The following KCNQ1 variants were observed in gnomAD, a reference collection of about 807,000 sequenced individuals.
KCNQ1 encodes potassium voltage-gated channel subfamily KQT member 1.
In KCNQ1, 49 loss-of-function variants were observed where a neutral mutation model predicts 72.4. The observed-to-expected ratio is 0.68, with a 90% CI of 0.54 to 0.86. The LOEUF is 0.86. Among genes scored for constraint, KCNQ1 ranks in the 40% least tolerant of loss-of-function variants. The pLI is 0.00. For synonymous variants in KCNQ1, 450 were observed against 412.6 expected (o/e 1.09, Z -1.10); for missense variants, 790 against 945.1 (o/e 0.84, Z 2.15).
At chr11:2,648,665 T>G (rs1400330917) in intron 10 of KCNQ1, 1 of 398,550 alleles carries the variant, frequency 2.5e-6, no homozygotes, top group Non-Finnish European at 4.4e-6. Context: ...TTTTAAAAAT[T>G]TATTGAGACC....
chr11:2,842,593 G>T (rs183481881), intron 15 of KCNQ1, among the ~76,000 whole-genome samples: 34 of 152,274 alleles, frequency 2.2e-4, no homozygotes, highest in East Asian at 9.6e-4. Flanking sequence ...TGTGTACAAG[G>T]GTGCAGGGTG....
At chr11:2,503,862 A>C (rs1227147173) in intron 1 of KCNQ1, among the ~76,000 whole-genome samples, 5 of 152,204 alleles carry the variant, frequency 3.3e-5, no homozygotes, top group Non-Finnish European at 5.9e-5. Context: ...GAGAAAAGGG[A>C]ATCCTTGTAC....
At chr11:2,643,665 G>T (rs771801911) in intron 10 of KCNQ1, 3 of 398,366 alleles carry the variant, frequency 7.5e-6, no homozygotes, top group Non-Finnish European at 1.3e-5. Context: ...TTGTTGATAT[G>T]TGAGGGCTTA....
rs987437979 is a variant in KCNQ1 at position 2,647,855 on chromosome 11, G to C, written c.1394-14106G>C. 2.5e-6 allele frequency: 1 copy of C among 398,290 alleles called. No individual in the cohort carries two copies. The highest frequency in any genetic ancestry group is 4.4e-6 in the Non-Finnish European group (1 of 225,966). 24.7% of individuals were successfully genotyped at this position (398,290 alleles called of 1,614,324 possible). On this transcript the variant is annotated intron_variant, in intron 10 of 15. Transcript: ENST00000155840. The surrounding 1 kb of genome is among the most constrained non-coding windows in gnomAD (Gnocchi z 4.0). The stretch of plus-strand genomic sequence containing the variant: ...ATTGTAAGTCTCCTTTTTCATTTCT[G>C]ATTTTATTTATTGGGTCTTCTTGGT...
intron 15 of KCNQ1, among the ~76,000 whole-genome samples, chr11:2,786,529 A>G (rs191007195): frequency 6.6e-5 from 10 of 151,452 alleles, no homozygotes; most frequent in Admixed American, 6.6e-4. Flanking sequence ...CTCCTTCTGA[A>G]ATTTTTATTG....
rs1850226657 is a variant in KCNQ1 at position 2,673,492 on chromosome 11, A to C, written c.1514+11411A>C. On this transcript the variant is annotated intron_variant, in intron 11 of 15. Coordinates refer to ENST00000155840, the MANE Select transcript of KCNQ1 (RefSeq NM_000218.3). The surrounding 1 kb of genome is among the most constrained non-coding windows in gnomAD (Gnocchi z 4.5). ...TGAAAAGCCATACAGACTCCTGCTC[A>C]TCACAACCACTTGTTGATGCTGACA... 7.5e-6 allele frequency: 3 copies of C among 398,538 alleles called. No individual in the cohort carries two copies. The highest frequency in any genetic ancestry group is 4.4e-5 in the Admixed American group (1 of 22,722). The allele number at this position is 398,538 out of a possible 1,614,324, so 24.7% of individuals were successfully genotyped here. A position where few individuals can be genotyped will look rare whatever the true frequency, so the allele number is the denominator to read the frequency against.
In KCNQ1 at chr11:2,500,472, C is replaced by A. The variant is rs778961557; in HGVS notation, c.387-27456C>A. 1.8e-4 allele frequency among the ~76,000 whole-genome samples: 27 copies of A among 152,162 alleles called. 1 individual carries two copies. The highest frequency in any genetic ancestry group is 7.3e-5 in the Non-Finnish European group (5 of 68,028). ...CATTGTGGAAGACAGTGTGGCAATT[C>A]CTCAAGGATCTAGAACCCAAATACC... is the stretch of plus-strand genomic sequence containing the variant. On this transcript the variant is annotated intron_variant, in intron 1 of 15. Transcript: ENST00000155840.
At chr11:2,633,349 CCTTTT>C (rs1458970383) in intron 10 of KCNQ1, 2 of 398,416 alleles carry the variant, frequency 5.0e-6, no homozygotes, top group Non-Finnish European at 8.9e-6. Context: ...TTTATTATTT[CCTTTT>C]ATGTGTAGGT....
intron 15 of KCNQ1, among the ~76,000 whole-genome samples, chr11:2,835,636 G>C (rs1284162993): frequency 6.6e-6 from 1 of 152,140 alleles, no homozygotes; most frequent in African/African-American, 2.4e-5. Context: ...AACAAAGGCA[G>C]CACCACAGCG....
At chr11:2,554,998 C>T (rs1848047228) in intron 2 of KCNQ1, among the ~76,000 whole-genome samples, 2 of 152,326 alleles carry the variant, frequency 1.3e-5, no homozygotes, top group South Asian at 2.1e-4. Flanking sequence ...TGCACACACG[C>T]GCTGACACAC....
chr11:2,658,304 A>G lies in KCNQ1; in HGVS notation c.1394-3657A>G. The G allele has an allele frequency of 2.5e-6, 1 of 398,516 alleles. No individual in the cohort carries two copies. 24.7% of individuals were successfully genotyped at this position (398,516 alleles called of 1,614,324 possible). A position where few individuals can be genotyped will look rare whatever the true frequency, so the allele number is the denominator to read the frequency against. On this transcript the variant is annotated intron_variant, in intron 10 of 15. Coordinates refer to ENST00000155840, the MANE Select transcript of KCNQ1 (RefSeq NM_000218.3). The surrounding 1 kb of genome is among the most constrained non-coding windows in gnomAD (Gnocchi z 4.9). ...CATTTTTTATTTGGAATTCCTTTAT[A>G]AGGAAGATTTGTCCCTCTCCTCCAA...
chr11:2,472,330 G>A (rs913451345), intron 1 of KCNQ1, among the ~76,000 whole-genome samples: 4 of 151,414 alleles, frequency 2.6e-5, no homozygotes, highest in Admixed American at 1.3e-4. Context: ...GTGTGTATAC[G>A]TGCATGTCTG....
Position 2,784,300 on chromosome 11 carries a change from C to A in KCNQ1, c.1794+6263C>A, listed in dbSNP as rs987878184. On this transcript the variant is annotated intron_variant, in intron 15 of 15. Coordinates refer to ENST00000155840, the MANE Select transcript of KCNQ1 (RefSeq NM_000218.3). The surrounding 1 kb of genome is among the most constrained non-coding windows in gnomAD (Gnocchi z 4.7). Reference sequence around the variant, plus strand: ...CTTTGAATTATCATGGCTTCTTGGTCAAAAATCAATTGACCATAAATTTAT... The same window carrying A: ...CTTTGAATTATCATGGCTTCTTGGTAAAAAATCAATTGACCATAAATTTAT... 3.3e-5 allele frequency among the ~76,000 whole-genome samples: 5 copies of A among 151,812 alleles called. No homozygotes were observed. In the South Asian group the frequency reaches 8.3e-4, roughly 25 times the overall value.
intron 10 of KCNQ1, chr11:2,625,581 T>TCC (rs1849249221): frequency 4.9e-6 from 1 of 204,378 alleles, no homozygotes; most frequent in Middle Eastern, 1.5e-3. Flanking sequence ...CTTTGCCCTT[T>TCC]TTTTTTTTTT....
chr11:2,452,806 A>G (rs1846134813), intron 1 of KCNQ1, among the ~76,000 whole-genome samples: 1 of 152,182 alleles, frequency 6.6e-6, no homozygotes, highest in African/African-American at 2.4e-5. Flanking sequence ...TCCATTGTAT[A>G]TGAAGTTTCG....
At position 2,847,996 on chromosome 11, in the gene KCNQ1, G is replaced by A; in HGVS notation, c.2024G>A (p.Gly675Glu). ...GTGCCCAGGAGGGGCCCCGATGAGG[G>A]GTCCTGAGGAGGGGATGGGGCTGGG... ...LTVPRRGPDE[G>E]S The change falls in exon 16 of 16, where the codon GGG (glycine) becomes GAG (glutamate). Residue 675 changes from glycine to glutamate, a missense_variant. By Grantham distance (98) the Gly-to-Glu change is moderately conservative. Around this residue, in one of 5 missense-constraint regions of KCNQ1, gnomAD observed 94 missense variants for 85.2 expected, o/e 1.10. Coordinates refer to ENST00000155840, the MANE Select transcript of KCNQ1 (RefSeq NM_000218.3). 1 of 1,540,424 alleles carries A rather than the reference G, an allele frequency of 6.5e-7. No individual in the cohort carries two copies.
chr11:2,606,767 A>C (rs922948416), intron 10 of KCNQ1, among the ~76,000 whole-genome samples: 11 of 152,114 alleles, frequency 7.2e-5, no homozygotes, highest in African/African-American at 2.7e-4. Flanking sequence ...TTCTTCCCAA[A>C]TTATCCTGGA....
chr11:2,589,058 A>C (rs1480363500), intron 10 of KCNQ1, among the ~76,000 whole-genome samples: 1 of 152,142 alleles, frequency 6.6e-6, no homozygotes, highest in Non-Finnish European at 1.5e-5. Context: ...GGAGCTGGCC[A>C]CGCCTTCTGT....
At position 2,673,671 on chromosome 11, in the gene KCNQ1, G is replaced by A. The variant is rs1037931903; in HGVS notation, c.1514+11590G>A. The A allele has an allele frequency of 7.5e-6, 3 of 398,618 alleles. No homozygotes were observed. Among genetic ancestry groups the A allele is most frequent in the Non-Finnish European group, 1.3e-5 (3 of 226,156 alleles). The allele number at this position is 398,618 out of a possible 1,614,324, so 24.7% of individuals were successfully genotyped here. ...ACTCATGTCCCTTGTCTGCATAGGT[G>A]TTTTCCTATAAATGTTTAATTCCTG... On this transcript the variant is annotated intron_variant, in intron 11 of 15. Transcript: ENST00000155840. This position sits in a 1 kb window ranked among gnomAD's most constrained non-coding sequence, Gnocchi z 4.5.
Sources: allele counts gnomAD v4.1 joint callset (sites outside exome capture counted in the v4.1 genomes callset), GRCh38; gene constraint gnomAD v4.1.1; regional missense constraint gnomAD v4.1.1; non-coding constraint Gnocchi (gnomAD v3.1); transcripts MANE v1.5; gene names NCBI Gene and HGNC (gene_info 2026-07-23, HGNC 2026-07-21).